Variants in MYO1H observed in about 807,000 individuals in gnomAD.
MYO1H encodes the protein myosin IH.
A neutral mutation model predicts 149.3 loss-of-function variants in MYO1H; 118 were observed. The observed-to-expected ratio is 0.79, with a 90% CI of 0.68 to 0.92. MYO1H has a LOEUF of 0.92. Ranked by LOEUF, MYO1H falls within the 40% of genes least tolerant of loss-of-function variation. The pLI is 0.00. For missense variants in MYO1H, 1,212 were observed against 1,280.7 expected (o/e 0.95, Z 0.82); for synonymous variants, 447 against 465.2 (o/e 0.96, Z 0.50).
the MYO1H span, among the ~76,000 whole-genome samples, chr12:109,327,699 T>C: frequency 7.2e-6 from 1 of 138,982 alleles, no homozygotes; most frequent in South Asian, 2.3e-4. Context: ...TGAGCAGAGA[T>C]TGTGCCACTG....
the MYO1H span, among the ~76,000 whole-genome samples, chr12:109,337,834 G>A: frequency 1.3e-5 from 2 of 152,150 alleles, no homozygotes; most frequent in Middle Eastern, 3.2e-3. Context: ...TCTGAGGGTA[G>A]TACAATATGC....
At chr12:109,400,925 A>G (rs1346153668) in intron 5 of MYO1H, among the ~76,000 whole-genome samples, 168 bp from the exon 6 acceptor site, 1 of 152,218 alleles carries the variant, frequency 6.6e-6, no homozygotes, top group Non-Finnish European at 1.5e-5. Context: ...ATTTTTGTAA[A>G]CAGAACCCAG....
At chr12:109,347,057 A>T (rs188012111), upstream of MYO1H, among the ~76,000 whole-genome samples, 2 of 152,186 alleles carry the variant, frequency 1.3e-5, no homozygotes, top group Non-Finnish European at 2.9e-5. Flanking sequence ...GGATTAATAA[A>T]TGAAATCCTG....
At chr12:109,343,225 A>C (rs1385503835), upstream of MYO1H, among the ~76,000 whole-genome samples, 1 of 152,238 alleles carries the variant, frequency 6.6e-6, no homozygotes, top group Admixed American at 6.5e-5. Flanking sequence ...TGAATTTGAT[A>C]AGATCTTGCT....
At chr12:109,423,050 C>T (rs569705766) in intron 16 of MYO1H, among the ~76,000 whole-genome samples, 1 of 152,018 alleles carries the variant, frequency 6.6e-6, no homozygotes, top group South Asian at 2.1e-4. Context: ...TCATTCATTG[C>T]ACTCCAGCCT....
chr12:109,343,401 G>A (rs911972055), upstream of MYO1H, among the ~76,000 whole-genome samples: 14 of 152,240 alleles, frequency 9.2e-5, no homozygotes, highest in Admixed American at 5.9e-4. Context: ...AGAAACCACA[G>A]CAATCATTTA....
chr12:109,400,259 T>C (rs1443682182), intron 5 of MYO1H, among the ~76,000 whole-genome samples: 1 of 152,220 alleles, frequency 6.6e-6, no homozygotes, highest in East Asian at 1.9e-4. Context: ...TTAGTAGATT[T>C]ACATTGGATT....
intron 11 of MYO1H, 110 bp from the exon 12 acceptor site, chr12:109,409,853 A>G: frequency 1.4e-6 from 1 of 695,108 alleles, no homozygotes; most frequent in South Asian, 2.3e-5. Flanking sequence ...TTTATTAATG[A>G]GGACTTTGCT....
chr12:109,435,162 A>C lies in MYO1H; in HGVS notation c.2140+49A>C, dbSNP rs757108415. ...ATTTCAATAGAATATGAAATGAACA[A>C]GTGGAGCTTGGGGGTAAATCTTAAA... On this transcript the variant is annotated intron_variant, in intron 21 of 31. Coordinates refer to ENST00000310903, the Ensembl canonical transcript of MYO1H. 5.4e-6 allele frequency: 7 copies of C among 1,301,840 alleles called. No individual in the cohort carries two copies. The South Asian group carries it at 9.1e-5, about 17-fold the overall frequency. The allele number at this position is 1,301,840 out of a possible 1,614,324, so 80.6% of individuals were successfully genotyped here.
the MYO1H span, among the ~76,000 whole-genome samples, chr12:109,331,120 C>T: frequency 6.6e-6 from 1 of 152,208 alleles, no homozygotes; most frequent in African/African-American, 2.4e-5. Context: ...CAATCCTTCA[C>T]AAATATATAT....
intron 15 of MYO1H, among the ~76,000 whole-genome samples, chr12:109,417,713 A>G (rs11066527): frequency 0.067 from 10,218 of 152,298 alleles, 381 homozygotes; most frequent in South Asian, 0.11. Flanking sequence ...ATGACCTATG[A>G]TATTAAACAT....
intron 4 of MYO1H, among the ~76,000 whole-genome samples, chr12:109,396,920 T>C (rs1320448041): frequency 1.5e-5 from 2 of 136,272 alleles, no homozygotes; most frequent in Non-Finnish European, 3.1e-5. Flanking sequence ...CTCCGCCTCC[T>C]GAGTTTAAGC....
At chr12:109,445,053 A>G (rs999501461) in intron 30 of MYO1H, among the ~76,000 whole-genome samples, 1 of 152,180 alleles carries the variant, frequency 6.6e-6, no homozygotes, top group Non-Finnish European at 1.5e-5. Flanking sequence ...CTTGGCCTTC[A>G]GAGAAATGAA....
At chr12:109,335,594 A>G in the MYO1H span, among the ~76,000 whole-genome samples, 1 of 152,044 alleles carries the variant, frequency 6.6e-6, no homozygotes, top group Non-Finnish European at 1.5e-5. Flanking sequence ...AAAAACTAAT[A>G]TTTTGCCAGT....
At chr12:109,366,058 T>G (rs1868859344) in intron 1 of MYO1H, among the ~76,000 whole-genome samples, 1 of 152,222 alleles carries the variant, frequency 6.6e-6, no homozygotes, top group South Asian at 2.1e-4. Flanking sequence ...AGCAGGAGTT[T>G]CATCCTGAAA....
At chr12:109,400,820 A>G (rs1870129834) in intron 5 of MYO1H, among the ~76,000 whole-genome samples, 1 of 152,182 alleles carries the variant, frequency 6.6e-6, no homozygotes, top group Non-Finnish European at 1.5e-5. Flanking sequence ...GCATATACAA[A>G]AATTAAATAG....
intron 14 of MYO1H, 45 bp downstream of exon 14, chr12:109,412,030 G>A: frequency 2.3e-6 from 3 of 1,323,608 alleles, no homozygotes; most frequent in South Asian, 1.3e-5. Context: ...GAAGATGATT[G>A]TGTCTCCATT....
intron 19 of MYO1H, among the ~76,000 whole-genome samples, chr12:109,427,909 A>T (rs4766600): frequency 0.1 from 1,616 of 15,980 alleles, 163 homozygotes; most frequent in African/African-American, 0.25. Context: ...AAAAAAAAAA[A>T]ATATATATAT....
exon 26 of MYO1H, chr12:109,441,697 A>G: frequency 2.5e-6 from 4 of 1,610,500 alleles, no homozygotes; most frequent in Non-Finnish European, 3.4e-6. Flanking sequence ...CCCTTTGTCA[A>G]CAGTCGGATA....
Sources: allele counts gnomAD v4.1 joint callset (sites outside exome capture counted in the v4.1 genomes callset), GRCh38; gene constraint gnomAD v4.1.1; transcripts MANE v1.5; gene names NCBI Gene and HGNC (gene_info 2026-07-23, HGNC 2026-07-21).